Variants in PIK3R6 observed in about 807,000 individuals in gnomAD.
PIK3R6 encodes the protein phosphoinositide-3-kinase regulatory subunit 6.
In PIK3R6, 91 loss-of-function variants were observed where a neutral mutation model predicts 84.9. The observed-to-expected ratio is 1.07, with a 90% confidence interval of 0.90 to 1.28. The LOEUF (loss-of-function observed/expected upper bound fraction) is 1.28. Among genes scored for constraint, PIK3R6 ranks in the 50% most tolerant of loss-of-function variants. PIK3R6 has a pLI of 0.00. For synonymous variants in PIK3R6, 416 were observed against 411.4 expected (o/e 1.01, Z -0.13); for missense variants, 996 against 985.1 (o/e 1.01, Z -0.15).
chr17:8,836,094 A>G (rs1030060246), intron 7 of PIK3R6, among the ~76,000 whole-genome samples: 4 of 152,122 alleles, frequency 2.6e-5, no homozygotes, highest in Admixed American at 2.6e-4. Context: ...ACACTTCCTC[A>G]GTCTTATCTA....
At chr17:8,821,987 C>G in intron 16 of PIK3R6, 51 bp from the exon 17 acceptor site, 1 of 1,370,408 alleles carries the variant, frequency 7.3e-7, no homozygotes, top group East Asian at 2.5e-5. Flanking sequence ...CATACCCTTT[C>G]CCCATGCATC....
chr17:8,822,546 T>A (rs758851142), intron 16 of PIK3R6, 41 bp downstream of exon 16: 1 of 1,601,368 alleles, frequency 6.2e-7, no homozygotes, highest in Non-Finnish European at 8.6e-7. Context: ...CCTCCAGCTG[T>A]ACCTCTTGGC....
rs537613908 is a variant in PIK3R6, at chr17:8,832,533, C to G, written c.802+356G>C. The stretch of plus-strand genomic sequence containing the variant: ...GAGTAGCTGGGACTGCAGGTGCCCA[C>G]CACCACGCCCAGCTGATTTTTTTTT... On this transcript the variant is annotated intron_variant, in intron 9 of 19. Transcript: ENST00000619866. Among the ~76,000 whole-genome samples the G allele has an allele frequency of 2.3e-3, 342 of 148,682 alleles. 2 individuals are homozygous for G. The highest frequency in any genetic ancestry group is 4.1e-3 in the Non-Finnish European group (276 of 67,470).
Position 8,803,084 on chromosome 17 carries a change from A to C in PIK3R6, c.*189T>G. 1 of 638,154 alleles carries C rather than the reference A, an allele frequency of 1.6e-6. No homozygotes were observed. The highest frequency in any genetic ancestry group is 2.0e-5 in the South Asian group (1 of 50,778). 39.5% of individuals were successfully genotyped at this position (638,154 alleles called of 1,614,324 possible). ...CGACAGCATTGCCTGGGCCATCCGT[A>C]GACCTCCATGTGGGCCCTTCCTCAT... On this transcript the variant is annotated 3_prime_UTR_variant, in exon 20 of 20. Transcript: ENST00000619866. The surrounding 1 kb of genome is among the most constrained non-coding windows in gnomAD (Gnocchi z 5.0).
At chr17:8,823,320 C>T (rs914938406) in intron 14 of PIK3R6, 67 bp downstream of exon 14, 5 of 1,243,354 alleles carry the variant, frequency 4.0e-6, no homozygotes, top group Non-Finnish European at 4.6e-6. Flanking sequence ...ACCAGTGTTT[C>T]CCCAGAGCCT....
chr17:8,813,912 A>G (rs575564403), intron 18 of PIK3R6, among the ~76,000 whole-genome samples: 3 of 152,340 alleles, frequency 2.0e-5, no homozygotes, highest in South Asian at 2.1e-4. Flanking sequence ...TAGAGCAGTC[A>G]GAAAAGAGAA....
chr17:8,833,827 A>C (rs1372555097), intron 8 of PIK3R6, among the ~76,000 whole-genome samples: 1 of 151,854 alleles, frequency 6.6e-6, no homozygotes, highest in Non-Finnish European at 1.5e-5. Flanking sequence ...GGCGTGAACC[A>C]CCGCGCTTGG....
At chr17:8,831,071 A>G (rs969809135) in intron 9 of PIK3R6, among the ~76,000 whole-genome samples, 4 of 148,712 alleles carry the variant, frequency 2.7e-5, no homozygotes, top group Non-Finnish European at 5.9e-5. Flanking sequence ...GCGTGAACCC[A>G]GGAGGCAGAG....
chr17:8,806,348 G>A (rs1030517047), intron 18 of PIK3R6, among the ~76,000 whole-genome samples: 2 of 152,196 alleles, frequency 1.3e-5, no homozygotes, highest in African/African-American at 4.8e-5. Flanking sequence ...GGCTGCTCTA[G>A]GTGTCTCTGG....
At chr17:8,823,115 C>G in intron 14 of PIK3R6, 29 bp from the exon 15 acceptor site, 1 of 1,512,402 alleles carries the variant, frequency 6.6e-7, no homozygotes, top group Non-Finnish European at 9.2e-7. Context: ...GGTGGCATTT[C>G]CTGGTGTGAT....
chr17:8,846,620 T>C (rs2088820580), intron 2 of PIK3R6, among the ~76,000 whole-genome samples: 1 of 152,204 alleles, frequency 6.6e-6, no homozygotes, highest in African/African-American at 2.4e-5. Context: ...CATTTGTTTG[T>C]GTCATCTATA....
chr17:8,838,838 A>G (rs1008374799), intron 3 of PIK3R6, among the ~76,000 whole-genome samples, 183 bp from the exon 4 acceptor site: 1 of 152,170 alleles, frequency 6.6e-6, no homozygotes, highest in Non-Finnish European at 1.5e-5. Flanking sequence ...GGGGAGTTCT[A>G]GTCTGTAGCC....
chr17:8,846,151 A>G (rs562423009), intron 2 of PIK3R6, among the ~76,000 whole-genome samples: 36 of 152,236 alleles, frequency 2.4e-4, no homozygotes, highest in African/African-American at 8.4e-4. Flanking sequence ...GGGGAAGGGT[A>G]GTGGTTCAGT....
chr17:8,837,934 G>A, intron 4 of PIK3R6, 63 bp from the exon 5 acceptor site: 1 of 1,442,028 alleles, frequency 6.9e-7, no homozygotes, highest in Non-Finnish European at 9.8e-7. Context: ...CATAGCGGGA[G>A]GCAGTCTAGG....
rs758560286 is a variant in PIK3R6, at chr17:8,828,944, G to A, written c.936C>T (p.Leu312=). The A allele has an allele frequency of 1.3e-6, 2 of 1,510,308 alleles. No individual in the cohort carries two copies. Among genetic ancestry groups the A allele is most frequent in the Admixed American group, 4.6e-5 (2 of 43,224 alleles). The allele number at this position is 1,510,308 out of a possible 1,614,324, so 93.6% of individuals were successfully genotyped here. The change falls in exon 11 of 20, where the codon CTC becomes CTT. Residue 312 remains leucine, a synonymous_variant. Coordinates refer to ENST00000619866, the MANE Select transcript of PIK3R6 (RefSeq NM_001010855.4). The part of the protein sequence containing the change: ...LFLRPRSQLR[L]SADLEVLDLQ... ...GATCCAAGACCTCCAAGTCAGCACT[G>A]AGGCGCAGCTGGGATCTTGGGCGGA... is the stretch of plus-strand genomic sequence containing the variant.
chr17:8,845,132 G>A (rs1002316141), intron 2 of PIK3R6, among the ~76,000 whole-genome samples: 1 of 152,174 alleles, frequency 6.6e-6, no homozygotes, highest in East Asian at 1.9e-4. Flanking sequence ...TGCAATGAAC[G>A]TGCAAGTGCA....
At chr17:8,854,529 C>G (rs149544447) in intron 1 of PIK3R6, among the ~76,000 whole-genome samples, 15 of 152,202 alleles carry the variant, frequency 9.9e-5, no homozygotes, top group South Asian at 8.3e-4. Flanking sequence ...ACGAAGAGTT[C>G]GGAAGCAGGC....
intron 1 of PIK3R6, among the ~76,000 whole-genome samples, chr17:8,856,495 G>A (rs1312439257): frequency 6.6e-6 from 1 of 152,180 alleles, no homozygotes; most frequent in African/African-American, 2.4e-5. Flanking sequence ...CCAGCTACCC[G>A]GGAGGCTGAA....
intron 2 of PIK3R6, among the ~76,000 whole-genome samples, chr17:8,843,954 A>G (rs1056708184): frequency 2.0e-4 from 30 of 152,260 alleles, no homozygotes; most frequent in Middle Eastern, 6.8e-3. Flanking sequence ...GGTGCAGAAG[A>G]AGGTTGATGC....
Sources: gnomAD v4.1 joint callset for allele counts (sites outside exome capture counted in the v4.1 genomes callset) on GRCh38, gnomAD v4.1.1 for gene constraint, Gnocchi (gnomAD v3.1) non-coding constraint, MANE v1.5 for transcripts, NCBI Gene and HGNC (gene_info 2026-07-23, HGNC 2026-07-21) for gene names.